The following RHBDL3 variants were observed in gnomAD, a reference collection of about 807,000 sequenced individuals.
The protein encoded by RHBDL3 is rhomboid-related protein 3.
RHBDL3 carries 28 observed loss-of-function variants against 48.2 expected under a neutral mutation model. The observed-to-expected ratio is 0.58, with a 90% CI of 0.43 to 0.80. The LOEUF (loss-of-function observed/expected upper bound fraction) is 0.80. Ranked by LOEUF, RHBDL3 falls within the 30% of genes least tolerant of loss-of-function variation. The pLI, the probability that RHBDL3 is intolerant of heterozygous loss-of-function variation, is 0.00. For synonymous variants in RHBDL3, 208 were observed against 232.3 expected (o/e 0.90, Z 0.95); for missense variants, 464 against 542.7 (o/e 0.85, Z 1.44).
At chr17:32,269,706 C>T (rs547147444) in intron 2 of RHBDL3, among the ~76,000 whole-genome samples, 4 of 152,368 alleles carry the variant, frequency 2.6e-5, no homozygotes, top group Admixed American at 6.5e-5. Context: ...CCCTTCACAC[C>T]TCCTGCCAGA....
chr17:32,270,132 CAAAA>C (rs66986205), intron 2 of RHBDL3, among the ~76,000 whole-genome samples: 6 of 68,102 alleles, frequency 8.8e-5, no homozygotes, highest in Non-Finnish European at 8.4e-5. Flanking sequence ...GACCCTTTCT[CAAAA>C]AAAAAAAAAA....
chr17:32,296,058 C>G (rs1263275843), intron 5 of RHBDL3, among the ~76,000 whole-genome samples: 2 of 151,850 alleles, frequency 1.3e-5, no homozygotes, highest in African/African-American at 4.8e-5. Flanking sequence ...AACCCCGTCT[C>G]TACTGAAAAA....
intron 2 of RHBDL3, 173 bp from the exon 3 acceptor site, chr17:32,284,486 C>T (rs913255884): frequency 6.7e-6 from 4 of 600,826 alleles, no homozygotes; most frequent in African/African-American, 5.6e-5. Flanking sequence ...TCCTCCAGGA[C>T]ATTCCTATTT....
rs2039619198 is a variant in RHBDL3 at position 32,266,036 on chromosome 17, G to C, written c.-154G>C. 1 of 149,890 alleles carries C rather than the reference G, an allele frequency of 6.7e-6. No homozygotes were observed. Among genetic ancestry groups the C allele is most frequent in the Non-Finnish European group, 1.5e-5 (1 of 68,468 alleles). 9.3% of individuals were successfully genotyped at this position (149,890 alleles called of 1,614,324 possible). The stretch of plus-strand genomic sequence containing the variant: ...GAGGCGGCGGCGGCGCGGGGACCGG[G>C]GCCATGGGGGCGGGCGCGGGCTGCG... On this transcript the variant is annotated 5_prime_UTR_variant, in exon 1 of 9. Coordinates refer to ENST00000269051, the MANE Select transcript of RHBDL3 (RefSeq NM_138328.3).
intron 1 of RHBDL3, among the ~76,000 whole-genome samples, chr17:32,266,753 C>T (rs2039642363): frequency 6.6e-6 from 1 of 152,114 alleles, no homozygotes; most frequent in Admixed American, 6.5e-5. Flanking sequence ...CCTCCGCTCC[C>T]GGATTAGCTC....
chr17:32,293,191 G>T (rs1432654163), intron 4 of RHBDL3, among the ~76,000 whole-genome samples: 4 of 151,742 alleles, frequency 2.6e-5, no homozygotes, highest in African/African-American at 9.7e-5. Flanking sequence ...GGGCGTCATT[G>T]TTCAGTGGGT....
chr17:32,278,378 C>T (rs1597620283), intron 2 of RHBDL3, among the ~76,000 whole-genome samples: 1 of 152,150 alleles, frequency 6.6e-6, no homozygotes, highest in East Asian at 1.9e-4. Context: ...AAGATGGGAC[C>T]AGCCAGCACA....
At chr17:32,306,072 A>G (rs1440152983) in intron 7 of RHBDL3, among the ~76,000 whole-genome samples, 2 of 152,216 alleles carry the variant, frequency 1.3e-5, no homozygotes, top group Non-Finnish European at 2.9e-5. Flanking sequence ...GTCCAAAGTC[A>G]CAGTCAAGTT....
chr17:32,304,576 G>C (rs529824460), intron 6 of RHBDL3, among the ~76,000 whole-genome samples: 1 of 152,328 alleles, frequency 6.6e-6, no homozygotes, highest in African/African-American at 2.4e-5. Flanking sequence ...CTTGAGGATT[G>C]AAGGGAAGAA....
chr17:32,310,293 C>CT (rs2040812795), intron 7 of RHBDL3, among the ~76,000 whole-genome samples: 1 of 152,112 alleles, frequency 6.6e-6, no homozygotes, highest in South Asian at 2.1e-4. Context: ...ATAAAGTTTA[C>CT]TTTATTGGCC....
intron 2 of RHBDL3, among the ~76,000 whole-genome samples, chr17:32,278,827 A>G (rs2039974512): frequency 6.6e-6 from 1 of 152,164 alleles, no homozygotes; most frequent in Admixed American, 6.5e-5. Context: ...TAAAGGAGCT[A>G]CTGTAAATCA....
In RHBDL3 at chr17:32,324,143, T is replaced by A. The variant is rs1271882283; in HGVS notation, c.*2914T>A. The A allele has an allele frequency of 6.6e-6, 1 of 152,580 alleles. No individual in the cohort carries two copies. The highest frequency in any genetic ancestry group is 1.5e-5 in the Non-Finnish European group (1 of 68,066). The allele number at this position is 152,580 out of a possible 1,614,324, so 9.5% of individuals were successfully genotyped here. A position where few individuals can be genotyped will look rare whatever the true frequency, so the allele number is the denominator to read the frequency against. ...AAACAGCAGCCATAGACTCACTGGC[T>A]CTCATTAAACGGGAGAGGAATCACA... is the stretch of plus-strand genomic sequence containing the variant. On this transcript the variant is annotated 3_prime_UTR_variant, in exon 9 of 9. Transcript: ENST00000269051.
At position 32,321,096 on chromosome 17, in the gene RHBDL3, A is replaced by G. The variant is rs773222300; in HGVS notation, c.1082A>G (p.Tyr361Cys). The G allele has an allele frequency of 6.2e-7, 1 of 1,614,228 alleles. No individual in the cohort carries two copies. Among genetic ancestry groups the G allele is most frequent in the South Asian group, 1.1e-5 (1 of 91,086 alleles). ...CTGGGCGTGGTGGTCCTGAGGAACT[A>G]CGAGCAGAGGCTCCAGGACCAGTCA... ...ITLGVVVLRN[Y>C]EQRLQDQSLW... The change falls in exon 9 of 9, where the codon TAC becomes TGC. Residue 361 changes from tyrosine (Y) to cysteine (C), a missense_variant. By Grantham distance (194) the Tyr-to-Cys change is radical. Transcript: ENST00000269051.
At chr17:32,288,069 C>T (rs1237802389) in intron 3 of RHBDL3, among the ~76,000 whole-genome samples, 2 of 152,184 alleles carry the variant, frequency 1.3e-5, no homozygotes, top group African/African-American at 2.4e-5. Flanking sequence ...TGAAGGCCCT[C>T]GGGAGTGGTG....
chr17:32,290,892 G>A (rs1174707858), intron 4 of RHBDL3, among the ~76,000 whole-genome samples: 20 of 150,034 alleles, frequency 1.3e-4, no homozygotes, highest in East Asian at 2.0e-4. Context: ...TCCTAGCTAC[G>A]TGGGAGGCTG....
chr17:32,281,573 G>C (rs756122787), intron 2 of RHBDL3, among the ~76,000 whole-genome samples: 1 of 152,138 alleles, frequency 6.6e-6, no homozygotes, highest in Admixed American at 6.5e-5. Flanking sequence ...CAGAACAGGA[G>C]GGCCAGGCTA....
rs2041174608 is a variant in RHBDL3, at chr17:32,323,048, A to C, written c.*1819A>C. 6.6e-6 allele frequency: 1 copy of C among 152,512 alleles called. No individual in the cohort carries two copies. Among genetic ancestry groups the C allele is most frequent in the South Asian group, 2.1e-4 (1 of 4,836 alleles). The allele number at this position is 152,512 out of a possible 1,614,324, so 9.4% of individuals were successfully genotyped here. A position where few individuals can be genotyped will look rare whatever the true frequency, so the allele number is the denominator to read the frequency against. On this transcript the variant is annotated 3_prime_UTR_variant, in exon 9 of 9. Transcript: ENST00000269051. Reference sequence around the variant, plus strand: ...GGGTCTTGGGCCACAGTGGCTTCCCATCCTGGTGACTACATGTAAATGGGC... The same window carrying C: ...GGGTCTTGGGCCACAGTGGCTTCCCCTCCTGGTGACTACATGTAAATGGGC...
At chr17:32,291,002 A>AG (rs2040311889) in intron 4 of RHBDL3, among the ~76,000 whole-genome samples, 1 of 112,374 alleles carries the variant, frequency 8.9e-6, no homozygotes, top group Non-Finnish European at 1.8e-5. Flanking sequence ...CCCTGTCTCA[A>AG]GAAAAAAAAA....
chr17:32,278,652 C>T (rs987318403), intron 2 of RHBDL3, among the ~76,000 whole-genome samples: 4 of 152,150 alleles, frequency 2.6e-5, no homozygotes, highest in African/African-American at 9.7e-5. Flanking sequence ...ATGAATCCAT[C>T]TGCACCTATT....
Sources: gnomAD v4.1 joint callset for allele counts (sites outside exome capture counted in the v4.1 genomes callset) on GRCh38, gnomAD v4.1.1 for gene constraint, MANE v1.5 for transcripts, NCBI Gene and HGNC (gene_info 2026-07-23, HGNC 2026-07-21) for gene names.